Variants in TNIK observed in about 807,000 individuals in gnomAD.
TNIK encodes the protein TRAF2 and NCK interacting kinase, also known as TRAF2 and NCK-interacting protein kinase.
In TNIK, 49 loss-of-function variants were observed where a neutral mutation model predicts 191.3. The ratio of observed to expected loss-of-function variants is 0.26; its 90% CI spans 0.20 to 0.32. The LOEUF is 0.32. Among genes scored for constraint, TNIK ranks in the 10% least tolerant of loss-of-function variants. The pLI, the probability that TNIK is intolerant of heterozygous loss-of-function variation, is 1.00. For synonymous variants in TNIK, 594 were observed against 600.9 expected (o/e 0.99, Z 0.17); for missense variants, 1,155 against 1,702.3 (o/e 0.68, Z 5.66).
chr3:171,392,805 G>GAAAGAA lies in TNIK; in HGVS notation c.58-23126_58-23121dup, dbSNP rs1183396136. On this transcript the variant is annotated intron_variant, in intron 1 of 32. Coordinates refer to ENST00000436636, the MANE Select transcript of TNIK (RefSeq NM_015028.4). ...AAAAAAAAAAAAAAAAGAAAAGAAA[G>GAAAGAA]AAAGAAAATACAGTTATCATACTGT... 9.6e-4 allele frequency among the ~76,000 whole-genome samples: 128 copies of GAAAGAA among 132,716 alleles called. 3 individuals are homozygous for GAAAGAA. Among genetic ancestry groups the GAAAGAA allele is most frequent in the Admixed American group, 9.3e-3 (128 of 13,754 alleles). 87.1% of individuals were successfully genotyped at this position (132,716 alleles called of 152,430 possible). A position where few individuals can be genotyped will look rare whatever the true frequency, so the allele number is the denominator to read the frequency against.
chr3:171,181,977 A>G (rs1358769406), intron 7 of TNIK, among the ~76,000 whole-genome samples: 3 of 152,126 alleles, frequency 2.0e-5, no homozygotes, highest in African/African-American at 4.8e-5. Flanking sequence ...AGGTTTAGGG[A>G]AAAAATATGT....
intron 4 of TNIK, among the ~76,000 whole-genome samples, chr3:171,210,212 G>GA (rs1415458357): frequency 2.6e-5 from 4 of 152,204 alleles, no homozygotes; most frequent in Non-Finnish European, 5.9e-5. Flanking sequence ...AAGAAAGAGT[G>GA]AAAGAAAAGT....
chr3:171,074,293 T>C (rs1480378385), intron 28 of TNIK, among the ~76,000 whole-genome samples: 1 of 152,144 alleles, frequency 6.6e-6, no homozygotes, highest in Non-Finnish European at 1.5e-5. Flanking sequence ...TTCTCACTTA[T>C]AAGTGGAAGC....
At chr3:171,369,331 TAAGTA>T (rs1449189128) in intron 2 of TNIK, among the ~76,000 whole-genome samples, 1 of 152,150 alleles carries the variant, frequency 6.6e-6, no homozygotes, top group Non-Finnish European at 1.5e-5. Context: ...TGGCAGTGAT[TAAGTA>T]AAGGAAACTG....
At chr3:171,333,056 A>AT (rs1447741825) in intron 2 of TNIK, among the ~76,000 whole-genome samples, 1 of 152,172 alleles carries the variant, frequency 6.6e-6, no homozygotes, top group Admixed American at 6.5e-5. Context: ...ATGTTCTTTG[A>AT]TGTTACAGCC....
At chr3:171,429,908 G>C (rs1240941285) in intron 1 of TNIK, among the ~76,000 whole-genome samples, 1 of 152,122 alleles carries the variant, frequency 6.6e-6, no homozygotes, top group East Asian at 1.9e-4. Flanking sequence ...CCACTCCTGT[G>C]TGGCTCATCA....
At chr3:171,433,773 T>C (rs1725659749) in intron 1 of TNIK, among the ~76,000 whole-genome samples, 1 of 152,126 alleles carries the variant, frequency 6.6e-6, no homozygotes, top group South Asian at 2.1e-4. Context: ...TAAATTTTCC[T>C]ATTCAGAAAC....
At chr3:171,129,991 A>G (rs1729022270) in intron 15 of TNIK, among the ~76,000 whole-genome samples, 1 of 151,982 alleles carries the variant, frequency 6.6e-6, no homozygotes, top group African/African-American at 2.4e-5. Flanking sequence ...CAATGCAACC[A>G]TTCTCCCCAC....
chr3:171,129,919 G>A (rs1409829340), intron 15 of TNIK, among the ~76,000 whole-genome samples: 2 of 152,180 alleles, frequency 1.3e-5, no homozygotes, highest in Non-Finnish European at 2.9e-5. Flanking sequence ...CAGATCTACT[G>A]TGTCCTGTCC....
intron 2 of TNIK, among the ~76,000 whole-genome samples, chr3:171,298,315 G>C (rs115749174): frequency 0.023 from 3,554 of 152,224 alleles, 135 homozygotes; most frequent in African/African-American, 0.08. Flanking sequence ...AAAATGTTAA[G>C]CATTAACAAA....
At chr3:171,432,735 A>G (rs1024704846) in intron 1 of TNIK, among the ~76,000 whole-genome samples, 2 of 152,200 alleles carry the variant, frequency 1.3e-5, no homozygotes, top group African/African-American at 4.8e-5. Flanking sequence ...GAAGCCTCAT[A>G]AAACACTGCA....
chr3:171,171,039 G>T (rs976658842), intron 9 of TNIK, among the ~76,000 whole-genome samples: 2 of 152,000 alleles, frequency 1.3e-5, no homozygotes, highest in East Asian at 3.9e-4. Context: ...GTGACAGAAT[G>T]AGACTCTGTC....
At chr3:171,281,952 A>G (rs1021774897) in intron 2 of TNIK, among the ~76,000 whole-genome samples, 1 of 152,216 alleles carries the variant, frequency 6.6e-6, no homozygotes, top group African/African-American at 2.4e-5. Context: ...ATTAGTAACT[A>G]TAGAAATGTA....
At chr3:171,182,054 C>T (rs1038953340) in intron 7 of TNIK, among the ~76,000 whole-genome samples, 1 of 152,062 alleles carries the variant, frequency 6.6e-6, no homozygotes, top group Admixed American at 6.5e-5. Context: ...ACCAGAACAC[C>T]CCTTTCAAAC....
chr3:171,426,561 A>G (rs1724656127), intron 1 of TNIK, among the ~76,000 whole-genome samples: 1 of 152,030 alleles, frequency 6.6e-6, no homozygotes, highest in African/African-American at 2.4e-5. Context: ...TAATAAATAT[A>G]TATATATAAA....
At chr3:171,420,668 A>G (rs1028784917) in intron 1 of TNIK, among the ~76,000 whole-genome samples, 2 of 152,224 alleles carry the variant, frequency 1.3e-5, no homozygotes, top group African/African-American at 4.8e-5. Flanking sequence ...ATTAGTAGCA[A>G]TAACTAATAA....
intron 2 of TNIK, among the ~76,000 whole-genome samples, chr3:171,328,920 C>A (rs1756107735): frequency 6.6e-6 from 1 of 152,176 alleles, no homozygotes; most frequent in African/African-American, 2.4e-5. Flanking sequence ...CCACTTCCTT[C>A]TTCCTCAAAC....
intron 12 of TNIK, among the ~76,000 whole-genome samples, chr3:171,149,827 T>A (rs573591689): frequency 1.3e-5 from 2 of 152,206 alleles, no homozygotes; most frequent in Non-Finnish European, 2.9e-5. Flanking sequence ...CTTGTGTTGA[T>A]GCTAATGACA....
chr3:171,313,334 T>C (rs1754259851), intron 2 of TNIK, among the ~76,000 whole-genome samples: 1 of 151,980 alleles, frequency 6.6e-6, no homozygotes, highest in Non-Finnish European at 1.5e-5. Flanking sequence ...GAAGGGAAAT[T>C]AGGGATCCTC....
Sources: allele counts gnomAD v4.1 joint callset (sites outside exome capture counted in the v4.1 genomes callset), GRCh38; gene constraint gnomAD v4.1.1; transcripts MANE v1.5; gene names NCBI Gene and HGNC (gene_info 2026-07-23, HGNC 2026-07-21).